Variants in TFCP2L1 observed in about 807,000 individuals in gnomAD.
The protein encoded by TFCP2L1 is transcription factor CP2 like 1.
A neutral mutation model predicts 72.2 loss-of-function variants in TFCP2L1; 12 were observed. The observed-to-expected ratio is 0.17, with a 90% confidence interval of 0.11 to 0.27. The LOEUF (loss-of-function observed/expected upper bound fraction) is 0.27. TFCP2L1 is among the 10% of genes least tolerant of loss of function. TFCP2L1 has a pLI of 1.00. For missense variants in TFCP2L1, 488 were observed against 624.6 expected, an observed-to-expected ratio of 0.78 and a Z score of 2.33; for synonymous variants, 260 against 251.0, an observed-to-expected ratio of 1.04 and a Z score of -0.34.
chr2:121,225,078 G>A (rs1341718370), intron 14 of TFCP2L1, among the ~76,000 whole-genome samples: 1 of 152,026 alleles, frequency 6.6e-6, no homozygotes, highest in Non-Finnish European at 1.5e-5. Context: ...CGGTCAGAGG[G>A]CTTTTGTTCT....
intron 6 of TFCP2L1, among the ~76,000 whole-genome samples, chr2:121,243,943 G>A (rs1686430229): frequency 6.6e-6 from 1 of 152,108 alleles, no homozygotes. Context: ...CCAGTCCCTG[G>A]TGCCAAAAAG....
intron 13 of TFCP2L1, among the ~76,000 whole-genome samples, chr2:121,227,864 CCG>C (rs1242903147): frequency 6.6e-6 from 1 of 152,214 alleles, no homozygotes; most frequent in Admixed American, 6.5e-5. Context: ...CCTGTCGCCC[CCG>C]CCCCTCCCAC....
chr2:121,237,366 G>C (rs1455764801), intron 10 of TFCP2L1, among the ~76,000 whole-genome samples: 1 of 152,196 alleles, frequency 6.6e-6, no homozygotes, highest in Non-Finnish European at 1.5e-5. Flanking sequence ...ACCCCCCGCA[G>C]GTGAGGAGAT....
Position 121,270,017 on chromosome 2 carries a change from C to G in TFCP2L1, c.214+11103G>C, listed in dbSNP as rs954535554. Among the ~76,000 whole-genome samples the G allele has an allele frequency of 6.6e-5, 10 of 150,642 alleles. 1 individual carries two copies. Among genetic ancestry groups the G allele is most frequent in the Admixed American group, 5.3e-4 (8 of 15,130 alleles). Reference sequence around the variant, plus strand: ...TATTTCCAGTACATATTATAATATCCCAAATATACAAGCAGCTCTTACAAA... The same window carrying G: ...TATTTCCAGTACATATTATAATATCGCAAATATACAAGCAGCTCTTACAAA... On this transcript the variant is annotated intron_variant, in intron 2 of 14. Coordinates refer to ENST00000263707, the MANE Select transcript of TFCP2L1 (RefSeq NM_014553.3).
chr2:121,239,355 C>T (rs1050770367), intron 8 of TFCP2L1, among the ~76,000 whole-genome samples: 2 of 152,170 alleles, frequency 1.3e-5, no homozygotes, highest in African/African-American at 4.8e-5. Flanking sequence ...AGTTCTGGGC[C>T]GCTGTCCCAC....
chr2:121,260,675 AG>A (rs1320530769), intron 2 of TFCP2L1, among the ~76,000 whole-genome samples: 2 of 152,218 alleles, frequency 1.3e-5, no homozygotes, highest in Non-Finnish European at 2.9e-5. Context: ...ACTGTCTTCC[AG>A]GATCTGCTGC....
intron 2 of TFCP2L1, among the ~76,000 whole-genome samples, chr2:121,272,891 C>G (rs1481763939): frequency 6.6e-6 from 1 of 152,174 alleles, no homozygotes; most frequent in African/African-American, 2.4e-5. Flanking sequence ...ATGGTTTAGC[C>G]TCAGCAAGGC....
chr2:121,225,022 G>A (rs1382031132), intron 14 of TFCP2L1, among the ~76,000 whole-genome samples: 2 of 151,222 alleles, frequency 1.3e-5, no homozygotes, highest in Admixed American at 6.6e-5. Flanking sequence ...CTAGATCCAC[G>A]GGACAAGGTG....
At chr2:121,254,780 G>T (rs549360427) in intron 2 of TFCP2L1, among the ~76,000 whole-genome samples, 7 of 152,068 alleles carry the variant, frequency 4.6e-5, no homozygotes, top group African/African-American at 1.4e-4. Flanking sequence ...TCCAGCCTGG[G>T]GGAGAGAGCG....
At chr2:121,275,728 G>A (rs1206672953) in intron 2 of TFCP2L1, among the ~76,000 whole-genome samples, 6 of 151,984 alleles carry the variant, frequency 3.9e-5, no homozygotes, top group Admixed American at 1.3e-4. Context: ...CCGCCATCAC[G>A]CCCAGCTGAT....
intron 2 of TFCP2L1, among the ~76,000 whole-genome samples, chr2:121,260,168 A>C (rs1686803552): frequency 6.6e-6 from 1 of 152,114 alleles, no homozygotes. Flanking sequence ...GAAGAAACTA[A>C]GGCCCAGAGA....
Position 121,224,076 on chromosome 2 carries a change from G to A in TFCP2L1, c.*265C>T. Reference sequence around the variant, plus strand: ...CACTGTTTGCCCTTTTAGAACGTCAGGGTTGGACCAATAGAAAAGAACAAG... The same window carrying A: ...CACTGTTTGCCCTTTTAGAACGTCAAGGTTGGACCAATAGAAAAGAACAAG... On this transcript the variant is annotated 3_prime_UTR_variant, in exon 15 of 15. Coordinates refer to ENST00000263707, the MANE Select transcript of TFCP2L1 (RefSeq NM_014553.3). The A allele has an allele frequency of 1.8e-6, 1 of 549,280 alleles. No homozygotes were observed. Among genetic ancestry groups the A allele is most frequent in the East Asian group, 3.0e-5 (1 of 32,988 alleles). The allele number at this position is 549,280 out of a possible 1,614,324, so 34.0% of individuals were successfully genotyped here. A position where few individuals can be genotyped will look rare whatever the true frequency, so the allele number is the denominator to read the frequency against.
intron 2 of TFCP2L1, among the ~76,000 whole-genome samples, chr2:121,277,424 A>T (rs137928085): frequency 6.4e-4 from 98 of 152,366 alleles, no homozygotes; most frequent in African/African-American, 2.1e-3. Context: ...GAAAAGAGAC[A>T]AAATGTATAC....
chr2:121,241,489 T>G (rs568992822), intron 7 of TFCP2L1, among the ~76,000 whole-genome samples: 1 of 151,330 alleles, frequency 6.6e-6, no homozygotes, highest in South Asian at 2.1e-4. Flanking sequence ...AGAGCGAGAC[T>G]CAGTCTCAAA....
At chr2:121,264,250 C>G (rs1469491270) in intron 2 of TFCP2L1, among the ~76,000 whole-genome samples, 2 of 152,228 alleles carry the variant, frequency 1.3e-5, no homozygotes, top group Non-Finnish European at 2.9e-5. Flanking sequence ...TCCAGGCAGT[C>G]CCATTTTGTG....
At chr2:121,248,112 G>C (rs1465313946) in intron 5 of TFCP2L1, 52 bp downstream of exon 5, 3 of 1,535,042 alleles carry the variant, frequency 2.0e-6, no homozygotes, top group South Asian at 1.2e-5. Context: ...CTGCACGCAG[G>C]CCACCCCAAA....
intron 8 of TFCP2L1, among the ~76,000 whole-genome samples, chr2:121,239,028 C>A (rs1229195924): frequency 6.6e-6 from 1 of 152,174 alleles, no homozygotes; most frequent in Non-Finnish European, 1.5e-5. Flanking sequence ...CAGCCCACAA[C>A]ACTCAGGAGA....
chr2:121,257,376 C>T (rs141717379), intron 2 of TFCP2L1, among the ~76,000 whole-genome samples: 15 of 152,260 alleles, frequency 9.9e-5, no homozygotes, highest in African/African-American at 3.6e-4. Context: ...ACCCCACCAC[C>T]CTACAAGAAG....
intron 5 of TFCP2L1, among the ~76,000 whole-genome samples, chr2:121,247,367 A>T (rs1311902373): frequency 6.6e-6 from 1 of 152,132 alleles, no homozygotes; most frequent in African/African-American, 2.4e-5. Flanking sequence ...CAGGCTACTC[A>T]GGCCAGGCTT....
Sources: allele counts gnomAD v4.1 joint callset (sites outside exome capture counted in the v4.1 genomes callset), GRCh38; gene constraint gnomAD v4.1.1; transcripts MANE v1.5; gene names NCBI Gene and HGNC (gene_info 2026-07-23, HGNC 2026-07-21).